RBM42: variants seen among roughly 807,000 people sequenced by gnomAD.
RBM42 encodes the protein RNA binding motif protein 42.
Under a neutral mutation model 41.4 loss-of-function variants are expected in RBM42, and 21 were observed. That is an observed-to-expected ratio of 0.51 (90% CI 0.36 to 0.73). RBM42 has a LOEUF of 0.73. RBM42 is among the 30% of genes least tolerant of loss of function. RBM42 has a pLI of 0.00. For synonymous variants in RBM42, 272 were observed against 271.2 expected (o/e 1.00, Z -0.03); for missense variants, 539 against 680.4 (o/e 0.79, Z 2.31).
intron 2 of RBM42, 104 bp from the exon 3 acceptor site, chr19:35,631,036 C>T: frequency 9.8e-7 from 1 of 1,017,252 alleles, no homozygotes; most frequent in Non-Finnish European, 1.5e-6. Context: ...TAGCCAGCCA[C>T]ATACAGAGCA....
In RBM42 at chr19:35,629,805, C is replaced by T. The variant is rs570921441; in HGVS notation, c.282+132C>T. On this transcript the variant is annotated intron_variant, in intron 2 of 9. Coordinates refer to ENST00000262633, the MANE Select transcript of RBM42 (RefSeq NM_024321.5). The stretch of plus-strand genomic sequence containing the variant: ...TGACAAATATTTTATATGCCAGGCA[C>T]TGAGAACACAGTAATGACTGAGAGA... 4 of 922,072 alleles carry T rather than the reference C, an allele frequency of 4.3e-6. No homozygotes were observed. In the East Asian group the frequency reaches 1.1e-4, roughly 24 times the overall value. The allele number at this position is 922,072 out of a possible 1,614,324, so 57.1% of individuals were successfully genotyped here. A position where few individuals can be genotyped will look rare whatever the true frequency, so the allele number is the denominator to read the frequency against.
At chr19:35,631,427 C>G in intron 4 of RBM42, 22 bp downstream of exon 4, 3 of 1,610,866 alleles carry the variant, frequency 1.9e-6, no homozygotes, top group Non-Finnish European at 1.7e-6. Context: ...GCCAGGGACC[C>G]CCACATTTAA....
chr19:35,635,172 C>T (rs1967474486), intron 8 of RBM42, among the ~76,000 whole-genome samples: 1 of 151,562 alleles, frequency 6.6e-6, no homozygotes, highest in East Asian at 2.0e-4. Context: ...AAAAATTAGC[C>T]AGGCTTGGTG....
rs1009123822 is a variant in RBM42 at position 35,637,063 on chromosome 19, G to T, written c.1136-95G>T. The T allele has an allele frequency of 1.0e-5, 12 of 1,183,000 alleles. No homozygotes were observed. The East Asian group carries it at 2.3e-4, about 23-fold the overall frequency. The allele number at this position is 1,183,000 out of a possible 1,614,324, so 73.3% of individuals were successfully genotyped here. A position where few individuals can be genotyped will look rare whatever the true frequency, so the allele number is the denominator to read the frequency against. The stretch of plus-strand genomic sequence containing the variant: ...TATTACTAAGAGGTCCCTAGGCAGA[G>T]ACTAGATACCTCCGAAAAGGTGGGA... On this transcript the variant is annotated intron_variant, in intron 8 of 9. Transcript: ENST00000262633. This position sits in a 1 kb window ranked among gnomAD's most constrained non-coding sequence, Gnocchi z 7.0.
At chr19:35,629,715 C>G (rs372015626) in intron 2 of RBM42, 42 bp downstream of exon 2, 36 of 1,606,784 alleles carry the variant, frequency 2.2e-5, no homozygotes, top group Non-Finnish European at 3.0e-5. Flanking sequence ...AACACAATGC[C>G]TCGAACAGAG....
chr19:35,631,440 A>G, intron 4 of RBM42, 35 bp downstream of exon 4: 1 of 1,598,082 alleles, frequency 6.3e-7, no homozygotes, highest in Non-Finnish European at 8.6e-7. Flanking sequence ...ACATTTAATC[A>G]GGCACTCTTG....
intron 4 of RBM42, chr19:35,631,696 G>T (rs1229543981): frequency 6.3e-6 from 3 of 474,980 alleles, no homozygotes; most frequent in Non-Finnish European, 7.5e-6. Context: ...ATCATCTTTT[G>T]CATCCTCTAA....
chr19:35,634,236 C>G lies in RBM42; in HGVS notation c.1018-20C>G. The G allele has an allele frequency of 6.2e-7, 1 of 1,609,664 alleles. No homozygotes were observed. Among genetic ancestry groups the G allele is most frequent in the Non-Finnish European group, 8.5e-7 (1 of 1,176,122 alleles). On this transcript the variant is annotated intron_variant, in intron 7 of 9. Coordinates refer to ENST00000262633, the MANE Select transcript of RBM42 (RefSeq NM_024321.5). Reference sequence around the variant, plus strand: ...GACCCCAATACCAACCCCTTTGCACCTCTCCCCTTTCCTCTGCAGGTCCCA... The same window carrying G: ...GACCCCAATACCAACCCCTTTGCACGTCTCCCCTTTCCTCTGCAGGTCCCA...
Position 35,629,269 on chromosome 19 carries a change from C to T in RBM42, c.116C>T (p.Ala39Val). Reference protein sequence around the residue: ...SGEERLKEMEAEMALFEQEVL... With the variant: ...SGEERLKEMEVEMALFEQEVL... Reference sequence around the variant, plus strand: ...GAGGAACGCTTGAAGGAAATGGAGGCGGAGATGGCCCTGTAAGGCCCGCGA... The same window carrying T: ...GAGGAACGCTTGAAGGAAATGGAGGTGGAGATGGCCCTGTAAGGCCCGCGA... Residue 39 changes from alanine (A) to valine (V), a missense_variant, in exon 1 of 10, where the codon GCG becomes GTG. Ala to Val is a moderately conservative substitution (Grantham distance 64). This residue lies in a region of RBM42 where 429 missense variants were observed against 488.9 expected (regional missense o/e 0.88). Coordinates refer to ENST00000262633, the MANE Select transcript of RBM42 (RefSeq NM_024321.5). The T allele has an allele frequency of 6.5e-7, 1 of 1,533,148 alleles. No individual in the cohort carries two copies. The allele number at this position is 1,533,148 out of a possible 1,614,324, so 95.0% of individuals were successfully genotyped here. A position where few individuals can be genotyped will look rare whatever the true frequency, so the allele number is the denominator to read the frequency against.
Position 35,637,634 on chromosome 19 carries a change from C to A in RBM42, c.*80C>A. On this transcript the variant is annotated 3_prime_UTR_variant, in exon 10 of 10. Coordinates refer to ENST00000262633, the MANE Select transcript of RBM42 (RefSeq NM_024321.5). The surrounding 1 kb of genome is among the most constrained non-coding windows in gnomAD (Gnocchi z 7.0). ...TTCTCTTTGGAAAACCCCCAGCTGT[C>A]CACCCATCCCCTGCCCCAAAACCAG... 9.5e-7 allele frequency: 1 copy of A among 1,047,584 alleles called. No homozygotes were observed. The highest frequency in any genetic ancestry group is 1.4e-6 in the Non-Finnish European group (1 of 705,940). The allele number at this position is 1,047,584 out of a possible 1,614,324, so 64.9% of individuals were successfully genotyped here. A position where few individuals can be genotyped will look rare whatever the true frequency, so the allele number is the denominator to read the frequency against.
intron 8 of RBM42, 63 bp downstream of exon 8, chr19:35,634,436 T>A: frequency 8.3e-7 from 1 of 1,206,208 alleles, no homozygotes; most frequent in Non-Finnish European, 1.2e-6. Flanking sequence ...CTGCTGTCCT[T>A]GGGCTGCAGA....
intron 4 of RBM42, 98 bp downstream of exon 4, chr19:35,631,503 C>A: frequency 8.9e-7 from 1 of 1,122,558 alleles, no homozygotes; most frequent in Non-Finnish European, 1.3e-6. Context: ...TACCCTTTGC[C>A]TTTGATCCCA....
chr19:35,633,659 C>T (rs750855125), intron 6 of RBM42, 28 bp from the exon 7 acceptor site: 30 of 1,406,248 alleles, frequency 2.1e-5, no homozygotes, highest in Admixed American at 3.5e-5. Flanking sequence ...GTGAGCCGGC[C>T]CCCCTCATGC....
Position 35,629,556 on chromosome 19 carries a change from A to T in RBM42, c.165A>T (p.Gly55=). ...EQEVLGAPVP[G]IPTAVPAVPT... ...AAGTTCTGGGGGCTCCAGTACCTGG[A>T]ATCCCAACTGCTGTGCCTGCGGTGC... Residue 55 remains glycine, a synonymous_variant, in exon 2 of 10, where the codon GGA becomes GGT. Transcript: ENST00000262633. 6.2e-7 allele frequency: 1 copy of T among 1,614,202 alleles called. No individual in the cohort carries two copies. The highest frequency in any genetic ancestry group is 1.6e-4 in the Middle Eastern group (1 of 6,062).
At chr19:35,636,439 C>A (rs1389331438) in intron 8 of RBM42, among the ~76,000 whole-genome samples, 1 of 152,170 alleles carries the variant, frequency 6.6e-6, no homozygotes, top group Non-Finnish European at 1.5e-5. Flanking sequence ...GGATCACAGG[C>A]GTGAGCCACT....
In RBM42 at chr19:35,629,181, C is replaced by G; in HGVS notation, c.28C>G (p.Leu10Val). 6.6e-7 allele frequency: 1 copy of G among 1,526,488 alleles called. No homozygotes were observed. The highest frequency in any genetic ancestry group is 8.8e-7 in the Non-Finnish European group (1 of 1,141,140). 94.6% of individuals were successfully genotyped at this position (1,526,488 alleles called of 1,614,324 possible). Reference sequence around the variant, plus strand: ...GGCTGGGGCGGGGCCAGCCCCGGGACTCCCGGGTGCAGGAGGACCCGTGGT... The same window carrying G: ...GGCTGGGGCGGGGCCAGCCCCGGGAGTCCCGGGTGCAGGAGGACCCGTGGT... MAGAGPAPG[L>V]PGAGGPVVPG... Residue 10 changes from leucine (L) to valine (V), a missense_variant, in exon 1 of 10, where the codon CTC becomes GTC. Leu to Val is a conservative substitution (Grantham distance 32). Around this residue, in one of 2 missense-constraint regions of RBM42, gnomAD observed 429 missense variants for 488.9 expected, o/e 0.88. Transcript: ENST00000262633.
At chr19:35,635,228 A>G (rs570731018) in intron 8 of RBM42, among the ~76,000 whole-genome samples, 8 of 151,240 alleles carry the variant, frequency 5.3e-5, no homozygotes, top group African/African-American at 1.9e-4. Context: ...AGACAGGAGT[A>G]TCGCCTGAAC....
intron 6 of RBM42, 87 bp downstream of exon 6, chr19:35,633,339 CCT>C (rs1967439677): frequency 9.3e-7 from 1 of 1,079,296 alleles, no homozygotes; most frequent in South Asian, 1.5e-5. Context: ...TCTGAGTTGG[CCT>C]CTCTCCTGAC....
Position 35,637,488 on chromosome 19 carries a change from G to C in RBM42, c.1377G>C (p.Trp459Cys). ...SRPIKLRKSM[W>C]KDRNLDVVRK... ...CCATCAAGCTTCGCAAGAGCATGTG[G>C]AAGGACCGGAATCTGGACGTGGTCC... The change falls in exon 10 of 10, where the codon TGG (tryptophan) becomes TGC (cysteine). Residue 459 changes from tryptophan to cysteine, a missense_variant. Physicochemically the swap from Trp to Cys is radical, Grantham distance 215. Transcript: ENST00000262633. The surrounding 1 kb of genome is among the most constrained non-coding windows in gnomAD (Gnocchi z 7.0). The C allele has an allele frequency of 6.2e-7, 1 of 1,614,244 alleles. No homozygotes were observed. Among genetic ancestry groups the C allele is most frequent in the Non-Finnish European group, 8.5e-7 (1 of 1,180,052 alleles).
Sources: gnomAD v4.1 joint callset for allele counts (sites outside exome capture counted in the v4.1 genomes callset) on GRCh38, gnomAD v4.1.1 for gene constraint, gnomAD v4.1.1 regional missense constraint, Gnocchi (gnomAD v3.1) non-coding constraint, MANE v1.5 for transcripts, NCBI Gene and HGNC (gene_info 2026-07-23, HGNC 2026-07-21) for gene names.